The following TMEM232 variants were observed in gnomAD, a reference collection of about 807,000 sequenced individuals.
The protein encoded by TMEM232 is transmembrane protein 232.
Under a neutral mutation model 78.8 loss-of-function variants are expected in TMEM232, and 80 were observed. The ratio of observed to expected loss-of-function variants is 1.01; its 90% CI spans 0.85 to 1.22. The LOEUF is 1.22. Ranked by LOEUF, TMEM232 falls within the 50% of genes most tolerant of loss-of-function variation. The probability of loss-of-function intolerance (pLI) is 0.00; values close to 1 mark genes in which losing one functional copy is unlikely to be tolerated. For synonymous variants in TMEM232, 297 were observed against 254.3 expected, an observed-to-expected ratio of 1.17 and a Z score of -1.60; for missense variants, 881 against 742.2, an observed-to-expected ratio of 1.19 and a Z score of -2.17.
At chr5:110,420,812 G>T (rs1430223649) in intron 13 of TMEM232, 56 bp from the exon 14 acceptor site, 1 of 1,467,968 alleles carries the variant, frequency 6.8e-7, no homozygotes, top group Non-Finnish European at 8.9e-7. Context: ...ATGCATATCA[G>T]TTTAGCTGCT....
At chr5:110,484,342 A>T (rs1303072562) in intron 12 of TMEM232, among the ~76,000 whole-genome samples, 1 of 152,174 alleles carries the variant, frequency 6.6e-6, no homozygotes, top group African/African-American at 2.4e-5. Flanking sequence ...AATCGAAAAA[A>T]TATAATGTTT....
At chr5:110,457,784 G>T (rs144076784) in intron 12 of TMEM232, among the ~76,000 whole-genome samples, 1 of 152,030 alleles carries the variant, frequency 6.6e-6, no homozygotes, top group Non-Finnish European at 1.5e-5. Context: ...AGATAAAATG[G>T]AATGCAAATA....
intron 11 of TMEM232, among the ~76,000 whole-genome samples, chr5:110,561,292 A>T (rs1252993849): frequency 6.6e-6 from 1 of 152,054 alleles, no homozygotes; most frequent in Non-Finnish European, 1.5e-5. Context: ...TCCATAGTCA[A>T]GTTACTTCAC....
At chr5:110,449,459 T>TA (rs1459549417) in intron 12 of TMEM232, among the ~76,000 whole-genome samples, 10 of 152,124 alleles carry the variant, frequency 6.6e-5, no homozygotes, top group African/African-American at 2.4e-4. Flanking sequence ...TTTTAGCTCT[T>TA]AAAGTTTCTG....
intron 12 of TMEM232, among the ~76,000 whole-genome samples, chr5:110,518,868 C>T (rs1480223884): frequency 4.0e-5 from 6 of 151,198 alleles, no homozygotes; most frequent in Non-Finnish European, 8.8e-5. Context: ...ACAAAATAGA[C>T]CAAAGAAGTA....
At chr5:110,668,083 A>C (rs1302100693) in intron 1 of TMEM232, among the ~76,000 whole-genome samples, 1 of 152,066 alleles carries the variant, frequency 6.6e-6, no homozygotes, top group African/African-American at 2.4e-5. Context: ...TAAATAGCTA[A>C]ATTTAAAAAT....
chr5:110,646,081 C>T (rs1312533687), intron 2 of TMEM232, among the ~76,000 whole-genome samples: 1 of 151,264 alleles, frequency 6.6e-6, no homozygotes, highest in Non-Finnish European at 1.5e-5. Context: ...AAAAAAAGAC[C>T]TGTAAAAAAC....
chr5:110,712,603 G>A lies in TMEM232; in HGVS notation c.-13+14024C>T, dbSNP rs931627399. 4.6e-5 allele frequency among the ~76,000 whole-genome samples: 7 copies of A among 152,152 alleles called. No individual in the cohort carries two copies. In the South Asian group the frequency reaches 6.2e-4, roughly 14 times the overall value. Reference sequence around the variant, plus strand: ...CTTGTGTAAAAAGTCCCTGACCACCGATCAAAATGGAAAGAACGTCCCCTT... The same window carrying A: ...CTTGTGTAAAAAGTCCCTGACCACCAATCAAAATGGAAAGAACGTCCCCTT... On this transcript the variant is annotated intron_variant, in intron 1 of 13. Transcript: ENST00000455884.
At chr5:110,667,920 TG>T (rs929494684) in intron 1 of TMEM232, among the ~76,000 whole-genome samples, 4 of 151,976 alleles carry the variant, frequency 2.6e-5, no homozygotes, top group African/African-American at 4.8e-5. Context: ...ACGCCCAGAA[TG>T]TTTTTCCTTT....
At chr5:110,562,780 T>C (rs1207838596) in intron 11 of TMEM232, among the ~76,000 whole-genome samples, 1 of 151,992 alleles carries the variant, frequency 6.6e-6, no homozygotes, top group Non-Finnish European at 1.5e-5. Context: ...GGTGAAAAAT[T>C]TTATATAATT....
chr5:110,461,887 T>TA (rs202061913), intron 12 of TMEM232, among the ~76,000 whole-genome samples: 14 of 151,230 alleles, frequency 9.3e-5, no homozygotes, highest in South Asian at 4.2e-4. Context: ...CTACTGTTCC[T>TA]AAAAAAAAAT....
chr5:110,504,927 AAT>A (rs1158829261), intron 12 of TMEM232, among the ~76,000 whole-genome samples: 1 of 152,224 alleles, frequency 6.6e-6, no homozygotes, highest in East Asian at 1.9e-4. Context: ...TTGTCACATA[AAT>A]ATGACAGGGC....
chr5:110,716,709 CTGTGG>C (rs1216409228), intron 1 of TMEM232, among the ~76,000 whole-genome samples: 12 of 152,154 alleles, frequency 7.9e-5, no homozygotes, highest in African/African-American at 2.9e-4. Context: ...CGGCATTAGT[CTGTGG>C]CCAGGGTTAT....
At chr5:110,512,643 G>A (rs1767950844) in intron 12 of TMEM232, among the ~76,000 whole-genome samples, 1 of 152,100 alleles carries the variant, frequency 6.6e-6, no homozygotes, top group African/African-American at 2.4e-5. Context: ...AACGCTTCAG[G>A]AAGTTTACAT....
At chr5:110,583,348 C>T (rs57700148) in intron 10 of TMEM232, among the ~76,000 whole-genome samples, 2,924 of 151,934 alleles carry the variant, frequency 0.019, 114 homozygotes, top group African/African-American at 0.068. Context: ...CACACATATA[C>T]GGCCAACTGA....
chr5:110,571,448 AG>A (rs1776927085), intron 10 of TMEM232, among the ~76,000 whole-genome samples: 2 of 152,060 alleles, frequency 1.3e-5, no homozygotes, highest in Admixed American at 1.3e-4. Context: ...CCCAGTAGTG[AG>A]GTAGTTATAC....
chr5:110,624,181 T>C (rs1290243275), intron 7 of TMEM232, among the ~76,000 whole-genome samples: 3 of 152,206 alleles, frequency 2.0e-5, no homozygotes, highest in Middle Eastern at 3.2e-3. Flanking sequence ...AACATACTTA[T>C]ATCCTTAGAT....
chr5:110,505,939 A>C (rs545212839), intron 12 of TMEM232, among the ~76,000 whole-genome samples: 12 of 152,212 alleles, frequency 7.9e-5, no homozygotes, highest in Non-Finnish European at 1.6e-4. Flanking sequence ...GGAAGTATGA[A>C]AAGTGAAGGA....
intron 2 of TMEM232, among the ~76,000 whole-genome samples, chr5:110,664,731 C>A (rs1000269955): frequency 2.0e-5 from 3 of 152,190 alleles, no homozygotes; most frequent in African/African-American, 7.2e-5. Context: ...TGCCTTCTTG[C>A]TGCATCCTCA....
Sources: gnomAD v4.1 joint callset for allele counts (sites outside exome capture counted in the v4.1 genomes callset) on GRCh38, gnomAD v4.1.1 for gene constraint, MANE v1.5 for transcripts, NCBI Gene and HGNC (gene_info 2026-07-23, HGNC 2026-07-21) for gene names.